RAB28: variants seen among roughly 807,000 people sequenced by gnomAD.
RAB28 encodes RAB28, member RAS oncogene family, also known as ras-related protein Rab-28.
A neutral mutation model predicts 31.7 loss-of-function variants in RAB28; 24 were observed. The ratio of observed to expected loss-of-function variants is 0.76; its 90% CI spans 0.55 to 1.06. The LOEUF (loss-of-function observed/expected upper bound fraction) is 1.06. Ranked by LOEUF, RAB28 falls within the 50% of genes least tolerant of loss-of-function variation. The pLI, the probability that RAB28 is intolerant of heterozygous loss-of-function variation, is 0.00. For synonymous variants in RAB28, 100 were observed against 90.4 expected (o/e 1.11, Z -0.60); for missense variants, 254 against 258.5 (o/e 0.98, Z 0.12).
chr4:13,393,778 A>G (rs1168471979), intron 4 of RAB28, among the ~76,000 whole-genome samples: 1 of 151,410 alleles, frequency 6.6e-6, no homozygotes, highest in African/African-American at 2.4e-5. Context: ...TTTCCTCCTG[A>G]AAGTTACTAC....
Position 13,441,628 on chromosome 4 carries a change from A to T in RAB28, c.391+19071T>A, listed in dbSNP as rs569488902. Among the ~76,000 whole-genome samples the T allele has an allele frequency of 2.6e-5, 4 of 152,252 alleles. No individual in the cohort carries two copies. The East Asian group carries it at 7.7e-4, about 29-fold the overall frequency. On this transcript the variant is annotated intron_variant, in intron 4 of 6. Coordinates refer to ENST00000330852, the MANE Select transcript of RAB28 (RefSeq NM_001017979.3). ...ATGATCTGTGACATACCACACAAGTAATCCTAAAAAGACTTATTATCCATT... is the reference window on the plus strand; with the variant it reads ...ATGATCTGTGACATACCACACAAGTTATCCTAAAAAGACTTATTATCCATT...
intron 4 of RAB28, among the ~76,000 whole-genome samples, chr4:13,441,283 T>C (rs918054153): frequency 6.6e-6 from 1 of 152,184 alleles, no homozygotes; most frequent in Non-Finnish European, 1.5e-5. Flanking sequence ...TTAATACATA[T>C]ATTCAATCAT....
intron 4 of RAB28, among the ~76,000 whole-genome samples, chr4:13,424,055 C>G (rs911006189): frequency 1.3e-5 from 2 of 151,908 alleles, no homozygotes; most frequent in Non-Finnish European, 2.9e-5. Flanking sequence ...ATTCATCGGC[C>G]AATAAAAATG....
At chr4:13,379,344 T>C (rs990277172) in intron 5 of RAB28, among the ~76,000 whole-genome samples, 7 of 151,888 alleles carry the variant, frequency 4.6e-5, no homozygotes, top group Non-Finnish European at 1.0e-4. Flanking sequence ...AACTCCAGCA[T>C]GCCTCTGTGT....
At chr4:13,385,580 T>C (rs1011233152) in intron 4 of RAB28, among the ~76,000 whole-genome samples, 3 of 152,154 alleles carry the variant, frequency 2.0e-5, no homozygotes, top group Admixed American at 2.0e-4. Flanking sequence ...GAATTTCATA[T>C]CTGGCCAAAC....
At position 13,466,556 on chromosome 4, in the gene RAB28, G is replaced by T. The variant is rs186982167; in HGVS notation, c.262-5728C>A. Among the ~76,000 whole-genome samples, 9 of 151,994 alleles carry T rather than the reference G, an allele frequency of 5.9e-5. No homozygotes were observed. In the East Asian group the frequency reaches 1.7e-3, roughly 29 times the overall value. The stretch of plus-strand genomic sequence containing the variant: ...AAGATGAAAGATAACAAGTATCAGT[G>T]AGAATATAGAGAAAAGGGACCTCTG... On this transcript the variant is annotated intron_variant, in intron 3 of 6. Transcript: ENST00000330852.
intron 6 of RAB28, among the ~76,000 whole-genome samples, chr4:13,373,491 A>G (rs1728796810): frequency 6.6e-6 from 1 of 152,124 alleles, no homozygotes; most frequent in Non-Finnish European, 1.5e-5. Context: ...GAGCTCCTTG[A>G]GGATAGGGAC....
Position 13,410,900 on chromosome 4 carries a change from G to A in RAB28, c.392-29306C>T, listed in dbSNP as rs1054174053. Among the ~76,000 whole-genome samples, 50 of 151,864 alleles carry A rather than the reference G, an allele frequency of 3.3e-4. 1 individual carries two copies. The highest frequency in any genetic ancestry group is 6.0e-4 in the Non-Finnish European group (41 of 67,928). On this transcript the variant is annotated intron_variant, in intron 4 of 6. Transcript: ENST00000330852. ...TGGCAGCTCAAATGCCTGTGTAATA[G>A]AAAGAAAAAATAAAAGAAAGGGAGA...
At chr4:13,386,699 A>C (rs1020195563) in intron 4 of RAB28, among the ~76,000 whole-genome samples, 3 of 152,174 alleles carry the variant, frequency 2.0e-5, no homozygotes, top group African/African-American at 7.2e-5. Context: ...TGATTCCTCA[A>C]GTACTTAAAA....
At chr4:13,443,826 A>G (rs1714545610) in intron 4 of RAB28, among the ~76,000 whole-genome samples, 1 of 152,100 alleles carries the variant, frequency 6.6e-6, no homozygotes, top group Admixed American at 6.6e-5. Flanking sequence ...CCTTTGATCA[A>G]CATCTACCCA....
At chr4:13,370,888 G>A in intron 6 of RAB28, 1 of 956,846 alleles carries the variant, frequency 1.0e-6, no homozygotes, top group South Asian at 4.8e-5. Flanking sequence ...ATTCTTAATT[G>A]CTGCTACCCT....
intron 4 of RAB28, among the ~76,000 whole-genome samples, chr4:13,401,435 T>C (rs1465462509): frequency 2.0e-5 from 3 of 152,036 alleles, no homozygotes; most frequent in African/African-American, 7.2e-5. Flanking sequence ...AGGTGACGGG[T>C]TGATGGGTGC....
chr4:13,386,927 GATC>G (rs1275696024), intron 4 of RAB28, among the ~76,000 whole-genome samples: 2 of 151,994 alleles, frequency 1.3e-5, no homozygotes, highest in African/African-American at 4.8e-5. Flanking sequence ...TGAAAAAGGA[GATC>G]ATGTCCTTTG....
intron 2 of RAB28, among the ~76,000 whole-genome samples, chr4:13,477,871 AATC>A (rs1423223506): frequency 3.3e-5 from 5 of 151,566 alleles, no homozygotes; most frequent in African/African-American, 1.2e-4. Context: ...ACAGGTCAGA[AATC>A]ATCATATCAC....
At chr4:13,397,619 G>A (rs1729923850) in intron 4 of RAB28, among the ~76,000 whole-genome samples, 2 of 151,876 alleles carry the variant, frequency 1.3e-5, no homozygotes, top group South Asian at 2.1e-4. Flanking sequence ...CATAAAGAAA[G>A]GTCACTGTTG....
At chr4:13,387,629 G>A (rs1424411415) in intron 4 of RAB28, among the ~76,000 whole-genome samples, 1 of 152,002 alleles carries the variant, frequency 6.6e-6, no homozygotes, top group Non-Finnish European at 1.5e-5. Flanking sequence ...CAGATGGCTT[G>A]AACATGACAT....
chr4:13,378,354 G>T (rs999143431), intron 5 of RAB28, among the ~76,000 whole-genome samples: 35 of 152,218 alleles, frequency 2.3e-4, no homozygotes, highest in African/African-American at 7.9e-4. Flanking sequence ...CTGACCATTG[G>T]ATTCAGCAAA....
At chr4:13,460,902 G>A (rs747023052) in intron 3 of RAB28, 74 bp from the exon 4 acceptor site, 12 of 1,390,058 alleles carry the variant, frequency 8.6e-6, no homozygotes, top group African/African-American at 1.5e-5. Flanking sequence ...CTTGCGTAAT[G>A]CTTCAGATAT....
chr4:13,417,888 T>C (rs151242943), intron 4 of RAB28, among the ~76,000 whole-genome samples: 423 of 152,252 alleles, frequency 2.8e-3, no homozygotes, highest in African/African-American at 9.7e-3. Context: ...CAAAGCTTGA[T>C]GGAGAATGAC....
Sources: gnomAD v4.1 joint callset for allele counts (sites outside exome capture counted in the v4.1 genomes callset) on GRCh38, gnomAD v4.1.1 for gene constraint, MANE v1.5 for transcripts, NCBI Gene and HGNC (gene_info 2026-07-23, HGNC 2026-07-21) for gene names.